Variants in NAV2 observed in about 807,000 individuals in gnomAD.
NAV2 encodes the protein neuron navigator 2.
Under a neutral mutation model 223.2 loss-of-function variants are expected in NAV2, and 54 were observed. The observed-to-expected ratio is 0.24, with a 90% confidence interval of 0.19 to 0.30. The LOEUF (loss-of-function observed/expected upper bound fraction) is 0.30. Ranked by LOEUF, NAV2 falls within the 10% of genes least tolerant of loss-of-function variation. The probability of loss-of-function intolerance (pLI) is 1.00; values close to 1 mark genes in which losing one functional copy is unlikely to be tolerated. For missense variants in NAV2, 2,806 were observed against 3,147.5 expected (o/e 0.89, Z 2.60); for synonymous variants, 1,279 against 1,239.3 (o/e 1.03, Z -0.67).
chr11:19,815,283 T>C lies in NAV2; in HGVS notation c.268-17201T>C, dbSNP rs184651777. On this transcript the variant is annotated intron_variant, in intron 1 of 37. Transcript: ENST00000349880. ...TAAAGGTGGAAGGCTGCTGGGATATTGGACATGTGTGTCGTTTGCTCTAGA... is the reference window on the plus strand; with the variant it reads ...TAAAGGTGGAAGGCTGCTGGGATATCGGACATGTGTGTCGTTTGCTCTAGA... Among the ~76,000 whole-genome samples, 546 of 152,318 alleles carry C rather than the reference T, an allele frequency of 3.6e-3. 26 individuals are homozygous for C. Among genetic ancestry groups the C allele is most frequent in the Admixed American group, 0.034 (518 of 15,304 alleles).
chr11:19,346,944 C>T (rs2133669472), upstream of NAV2, among the ~76,000 whole-genome samples: 1 of 152,262 alleles, frequency 6.6e-6, no homozygotes, highest in Admixed American at 6.5e-5. Flanking sequence ...GTTAATTAGA[C>T]CATTGGAAAG....
At chr11:20,078,286 A>T (rs2059886237) in intron 24 of NAV2, among the ~76,000 whole-genome samples, 182 bp downstream of exon 24, 2 of 152,228 alleles carry the variant, frequency 1.3e-5, no homozygotes, top group Admixed American at 1.3e-4. Flanking sequence ...CTCTACAAAG[A>T]TGGCTATGGT....
In NAV2 at chr11:19,978,534, G is replaced by A. The variant is rs150110471; in HGVS notation, c.2646-5591G>A. On this transcript the variant is annotated intron_variant, in intron 10 of 37. Transcript: ENST00000349880. ...AATTATTCCATGTTTCTGTGTCCAC[G>A]TTTCAACCAAAAGTGTGTCCAAAAA... Among the ~76,000 whole-genome samples the A allele has an allele frequency of 1.4e-3, 210 of 152,178 alleles. 1 individual carries two copies. The highest frequency in any genetic ancestry group is 4.7e-3 in the African/African-American group (194 of 41,524).
chr11:19,512,942 T>C (rs1030079328), intron 1 of NAV2, among the ~76,000 whole-genome samples: 1 of 152,216 alleles, frequency 6.6e-6, no homozygotes, highest in Non-Finnish European at 1.5e-5. Context: ...TTTGATTTTC[T>C]TGAGATATGT....
Position 20,058,906 on chromosome 11 carries a change from CAT to C in NAV2, c.4831+2952_4831+2953del, listed in dbSNP as rs2058526703. On this transcript the variant is annotated intron_variant, in intron 19 of 37. Transcript: ENST00000349880. Reference sequence around the variant, plus strand: ...CAATGGTAGCTATTGTTATAATTGTCATATTATAGCCTTCTCCCCAAGGGCCA... The same window carrying C: ...CAATGGTAGCTATTGTTATAATTGTCATTATAGCCTTCTCCCCAAGGGCCA... Among the ~76,000 whole-genome samples, 9 of 152,106 alleles carry C rather than the reference CAT, an allele frequency of 5.9e-5. No homozygotes were observed. The South Asian group carries it at 1.9e-3, about 32-fold the overall frequency.
intron 1 of NAV2, among the ~76,000 whole-genome samples, chr11:19,640,827 G>A (rs1251559064): frequency 6.6e-6 from 1 of 152,166 alleles, no homozygotes; most frequent in South Asian, 2.1e-4. Context: ...ACTTACAACA[G>A]GTATCACACT....
intron 1 of NAV2, among the ~76,000 whole-genome samples, chr11:19,744,793 G>GCAT: frequency 6.6e-6 from 1 of 152,130 alleles, no homozygotes; most frequent in Admixed American, 6.5e-5. Flanking sequence ...CTTCTTTCAT[G>GCAT]CATCATCATC....
intron 1 of NAV2, among the ~76,000 whole-genome samples, chr11:19,433,226 T>A (rs770275609): frequency 6.6e-6 from 1 of 152,116 alleles, no homozygotes; most frequent in Non-Finnish European, 1.5e-5. Context: ...AAATGGAATG[T>A]TTGTGGAGGT....
At chr11:19,632,635 G>C (rs1006977633) in intron 1 of NAV2, among the ~76,000 whole-genome samples, 4 of 152,232 alleles carry the variant, frequency 2.6e-5, no homozygotes, top group Non-Finnish European at 4.4e-5. Context: ...AGCAGGGAAA[G>C]ATGTGTCTCC....
At chr11:19,630,174 A>G (rs937252364) in intron 1 of NAV2, among the ~76,000 whole-genome samples, 3 of 152,130 alleles carry the variant, frequency 2.0e-5, no homozygotes, top group African/African-American at 7.2e-5. Flanking sequence ...TAAATTATAT[A>G]TCATTTGCTT....
intron 1 of NAV2, among the ~76,000 whole-genome samples, chr11:19,790,637 A>C (rs2152723897): frequency 6.6e-6 from 1 of 152,268 alleles, no homozygotes; most frequent in South Asian, 2.1e-4. Flanking sequence ...TGTAAGAGTA[A>C]CTCTGGTTCA....
At chr11:19,955,937 T>C (rs2047818880) in intron 10 of NAV2, among the ~76,000 whole-genome samples, 1 of 152,162 alleles carries the variant, frequency 6.6e-6, no homozygotes, top group Non-Finnish European at 1.5e-5. Flanking sequence ...CACTGATTTA[T>C]GGCAGGTTCC....
intron 32 of NAV2, among the ~76,000 whole-genome samples, chr11:20,102,268 A>G (rs950702297): frequency 2.6e-5 from 4 of 152,120 alleles, no homozygotes; most frequent in African/African-American, 9.7e-5. Context: ...ACTGCTAACA[A>G]GACATATTTT....
At chr11:19,703,225 T>C (rs949732621) in intron 1 of NAV2, among the ~76,000 whole-genome samples, 38 of 152,214 alleles carry the variant, frequency 2.5e-4, no homozygotes, top group African/African-American at 7.5e-4. Context: ...CATCCTTTTA[T>C]TAGCACAGAC....
chr11:19,391,032 A>G (rs1849227252), intron 1 of NAV2, among the ~76,000 whole-genome samples: 2 of 152,150 alleles, frequency 1.3e-5, no homozygotes, highest in African/African-American at 4.8e-5. Flanking sequence ...CAGAAAAGAT[A>G]AATAATTTGC....
chr11:20,067,431 A>T (rs1216104702), intron 20 of NAV2, among the ~76,000 whole-genome samples: 1 of 151,896 alleles, frequency 6.6e-6, no homozygotes, highest in Non-Finnish European at 1.5e-5. Flanking sequence ...TAACAACAAA[A>T]TTTTTTTTAG....
chr11:19,838,240 G>T (rs1263822881), intron 2 of NAV2, among the ~76,000 whole-genome samples: 2 of 152,212 alleles, frequency 1.3e-5, no homozygotes, highest in Admixed American at 6.5e-5. Context: ...GGCCCAGGAG[G>T]AGTGTAGTGA....
At chr11:19,884,203 C>A in intron 5 of NAV2, 1 of 902,082 alleles carries the variant, frequency 1.1e-6, no homozygotes, top group South Asian at 1.6e-5. Context: ...AGCAACATCC[C>A]CATTGTCAGA....
At chr11:19,944,551 C>A (rs1263330044) in intron 8 of NAV2, among the ~76,000 whole-genome samples, 1 of 146,482 alleles carries the variant, frequency 6.8e-6, no homozygotes, top group African/African-American at 2.5e-5. Flanking sequence ...CGTTCCATTT[C>A]TTTTCTTTCC....
Sources: allele counts gnomAD v4.1 joint callset (sites outside exome capture counted in the v4.1 genomes callset), GRCh38; gene constraint gnomAD v4.1.1; transcripts MANE v1.5; gene names NCBI Gene and HGNC (gene_info 2026-07-23, HGNC 2026-07-21).